Variants in CHMP5 observed in about 807,000 individuals in gnomAD.
CHMP5 encodes the protein charged multivesicular body protein 5.
CHMP5 carries 17 observed loss-of-function variants against 33.0 expected under a neutral mutation model. That is an observed-to-expected ratio of 0.52 (90% CI 0.35 to 0.77). The LOEUF (loss-of-function observed/expected upper bound fraction) is 0.77. Among genes scored for constraint, CHMP5 ranks in the 30% least tolerant of loss-of-function variants. CHMP5 has a pLI of 0.01. For missense variants in CHMP5, 216 were observed against 261.5 expected, an observed-to-expected ratio of 0.83 and a Z score of 1.20; for synonymous variants, 76 against 90.2, an observed-to-expected ratio of 0.84 and a Z score of 0.89.
chr9:33,280,666 G>A, intron 7 of CHMP5, 143 bp from the exon 8 acceptor site: 1 of 644,024 alleles, frequency 1.6e-6, no homozygotes, highest in Non-Finnish European at 2.6e-6. Context: ...TCATGAAAAA[G>A]CTTGTTCTCA....
chr9:33,280,737 A>G (rs923826668), intron 7 of CHMP5, 72 bp from the exon 8 acceptor site: 1 of 1,384,714 alleles, frequency 7.2e-7, no homozygotes, highest in Admixed American at 2.0e-5. Context: ...TTTAACTATT[A>G]AATGTTTGTA....
At chr9:33,275,626 T>C (rs1820845009) in intron 5 of CHMP5, among the ~76,000 whole-genome samples, 1 of 152,240 alleles carries the variant, frequency 6.6e-6, no homozygotes, top group Admixed American at 6.5e-5. Context: ...AATTGCTTGA[T>C]TTAATGTTTC....
chr9:33,270,820 G>A (rs1334802193), intron 4 of CHMP5, 104 bp downstream of exon 4: 3 of 938,738 alleles, frequency 3.2e-6, no homozygotes, highest in South Asian at 1.5e-5. Flanking sequence ...AGTGGCTCAC[G>A]CCTGTAATCC....
intron 2 of CHMP5, 53 bp from the exon 3 acceptor site, chr9:33,267,800 T>G: frequency 8.1e-7 from 1 of 1,232,936 alleles, no homozygotes; most frequent in South Asian, 1.2e-5. Context: ...AAATTTCTTT[T>G]ACCGTATATG....
chr9:33,266,647 C>T (rs996088447), intron 2 of CHMP5, among the ~76,000 whole-genome samples: 4 of 152,108 alleles, frequency 2.6e-5, no homozygotes, highest in Admixed American at 2.0e-4. Flanking sequence ...GCTGGTCACA[C>T]GTCTAAAAGC....
At chr9:33,278,400 G>A (rs1274311062) in intron 7 of CHMP5, among the ~76,000 whole-genome samples, 175 bp downstream of exon 7, 1 of 152,212 alleles carries the variant, frequency 6.6e-6, no homozygotes, top group African/African-American at 2.4e-5. Flanking sequence ...TGAACTGACT[G>A]CATAAACACT....
intron 6 of CHMP5, 42 bp from the exon 7 acceptor site, chr9:33,278,071 C>G (rs1799205703): frequency 1.5e-6 from 2 of 1,336,032 alleles, no homozygotes; most frequent in African/African-American, 2.9e-5. Flanking sequence ...TGCCAGTTTT[C>G]TTGGTTACAT....
At chr9:33,274,998 T>C (rs1820835879) in intron 5 of CHMP5, among the ~76,000 whole-genome samples, 1 of 152,270 alleles carries the variant, frequency 6.6e-6, no homozygotes, top group South Asian at 2.1e-4. Context: ...AATGGCAAAA[T>C]TGAACTTGGG....
At position 33,270,711 on chromosome 9, in the gene CHMP5, A is replaced by G. The variant is rs766510061; in HGVS notation, c.310A>G (p.Thr104Ala). The change falls in exon 4 of 8, where the codon ACC (threonine) becomes GCC (alanine). Residue 104 changes from threonine (T) to alanine (A), a missense_variant. Thr to Ala is a moderately conservative substitution (Grantham distance 58, BLOSUM62 0). Transcript: ENST00000223500. The part of the protein sequence containing the change: ...YTIQSLKDTK[T>A]TVDAMKLGVK... ...CATCCAGTCTTTGAAGGACACCAAG[A>G]CCACGGTACTCCCAAAACACCTTTT... 3 of 1,605,680 alleles carry G rather than the reference A, an allele frequency of 1.9e-6. No homozygotes were observed. In the Admixed American group the frequency reaches 5.0e-5, roughly 27 times the overall value.
At chr9:33,279,648 G>A (rs1194768578) in intron 7 of CHMP5, among the ~76,000 whole-genome samples, 1 of 151,972 alleles carries the variant, frequency 6.6e-6, no homozygotes, top group Non-Finnish European at 1.5e-5. Context: ...CGGATCACGA[G>A]GTCAAGAGAT....
rs952860978 is a variant in CHMP5 at position 33,265,062 on chromosome 9, C to T, written c.-17C>T. 4.3e-6 allele frequency: 7 copies of T among 1,614,102 alleles called. No individual in the cohort carries two copies. The highest frequency in any genetic ancestry group is 5.9e-6 in the Non-Finnish European group (7 of 1,180,026). Reference sequence around the variant, plus strand: ...TGGTTTTGCTCTAGTGTTTGGGTTTCTTCGCGGCTGCTCAAGATGAACCGA... The same window carrying T: ...TGGTTTTGCTCTAGTGTTTGGGTTTTTTCGCGGCTGCTCAAGATGAACCGA... On this transcript the variant is annotated 5_prime_UTR_variant, in exon 1 of 8. Transcript: ENST00000223500.
rs1820857445 is a variant in CHMP5, at chr9:33,276,552, G to A, written c.484G>A (p.Asp162Asn). The A allele has an allele frequency of 6.3e-7, 1 of 1,595,202 alleles. No homozygotes were observed. Among genetic ancestry groups the A allele is most frequent in the Non-Finnish European group, 8.6e-7 (1 of 1,163,936 alleles). The change falls in exon 6 of 8, where the codon GAT becomes AAT. Residue 162 changes from aspartate to asparagine, a missense_variant. Physicochemically the swap from Asp to Asn is conservative, Grantham distance 23. Transcript: ENST00000223500. ...TGGCACCCCAGAACTGGATGAAGAT[G>A]ATTTAGAAGCAGGTAAGTTATGAGA... is the stretch of plus-strand genomic sequence containing the variant. ...SYGTPELDED[D>N]LEAELDALGD... is the part of the protein sequence containing the mutation.
chr9:33,265,232 C>T (rs1820695956), intron 1 of CHMP5, 85 bp downstream of exon 1: 8 of 1,299,168 alleles, frequency 6.2e-6, no homozygotes, highest in Middle Eastern at 2.1e-4. Flanking sequence ...CCATATTCTT[C>T]CACTTCATTT....
chr9:33,281,106 G>A lies in CHMP5; in HGVS notation c.*247G>A, dbSNP rs763118208. The stretch of plus-strand genomic sequence containing the variant: ...CTCAGTTTAAAAGTATTTTTAGCTC[G>A]TATGACTTGTTTTCATTCATTAATA... On this transcript the variant is annotated 3_prime_UTR_variant, in exon 8 of 8. Coordinates refer to ENST00000223500, the MANE Select transcript of CHMP5 (RefSeq NM_016410.6). The A allele has an allele frequency of 7.9e-5, 32 of 402,696 alleles. No individual in the cohort carries two copies. The highest frequency in any genetic ancestry group is 1.3e-4 in the Non-Finnish European group (29 of 228,288). 24.9% of individuals were successfully genotyped at this position (402,696 alleles called of 1,614,324 possible).
At chr9:33,270,008 C>A (rs1394661530) in intron 3 of CHMP5, among the ~76,000 whole-genome samples, 1 of 152,090 alleles carries the variant, frequency 6.6e-6, no homozygotes, top group African/African-American at 2.4e-5. Context: ...CAGAAAAAAG[C>A]AAATGCTATA....
intron 6 of CHMP5, among the ~76,000 whole-genome samples, chr9:33,277,190 C>CAAAAAAAAAAAAAAAAAAAAAAAAAA (rs59657807): frequency 1.9e-5 from 1 of 53,378 alleles, no homozygotes; most frequent in Non-Finnish European, 4.0e-5. Context: ...GACCTTCTCT[C>CAAAAAAAAAAAAAAAAAAAAAAAAAA]AAAAAAAAAA....
At chr9:33,270,570 T>G in intron 3 of CHMP5, 53 bp from the exon 4 acceptor site, 3 of 1,375,982 alleles carry the variant, frequency 2.2e-6, no homozygotes, top group Non-Finnish European at 2.1e-6. Flanking sequence ...ACTTTGTTCT[T>G]GAGGATTTCT....
At chr9:33,268,229 C>G (rs1221065817) in intron 3 of CHMP5, among the ~76,000 whole-genome samples, 1 of 152,118 alleles carries the variant, frequency 6.6e-6, no homozygotes, top group African/African-American at 2.4e-5. Context: ...ATTTAAGTAG[C>G]CTTATATGGT....
intron 2 of CHMP5, 104 bp downstream of exon 2, chr9:33,266,218 AT>A: frequency 1.6e-6 from 1 of 638,306 alleles, no homozygotes. Flanking sequence ...CATGCATGTA[AT>A]CCCAGCACTT....
Sources: gnomAD v4.1 joint callset for allele counts (sites outside exome capture counted in the v4.1 genomes callset) on GRCh38, gnomAD v4.1.1 for gene constraint, MANE v1.5 for transcripts, NCBI Gene and HGNC (gene_info 2026-07-23, HGNC 2026-07-21) for gene names.